Variants in ZBTB8OS observed in about 807,000 individuals in gnomAD.
ZBTB8OS encodes the protein tRNA-splicing ligase-activating factor archease.
A neutral mutation model predicts 29.3 loss-of-function variants in ZBTB8OS; 16 were observed. That is an observed-to-expected ratio of 0.55 (90% confidence interval 0.37 to 0.83). The LOEUF (loss-of-function observed/expected upper bound fraction) is 0.83. Among genes scored for constraint, ZBTB8OS ranks in the 40% least tolerant of loss-of-function variants. The pLI, the probability that ZBTB8OS is intolerant of heterozygous loss-of-function variation, is 0.00. For missense variants in ZBTB8OS, 160 were observed against 196.9 expected, an observed-to-expected ratio of 0.81 and a Z score of 1.12; for synonymous variants, 70 against 64.6, an observed-to-expected ratio of 1.08 and a Z score of -0.40.
intron 1 of ZBTB8OS, among the ~76,000 whole-genome samples, chr1:32,640,982 C>A (rs112516392): frequency 7.0e-6 from 1 of 143,354 alleles, no homozygotes; most frequent in African/African-American, 2.6e-5. Context: ...CTGGCCAACA[C>A]GGTGAAACCC....
intron 1 of ZBTB8OS, among the ~76,000 whole-genome samples, chr1:32,642,799 T>C (rs9660296): frequency 0.93 from 2,991 of 3,228 alleles, 1,492 homozygotes; most frequent in Middle Eastern, 1. Context: ...CAAATGGAGT[T>C]TCCTCTGTCG....
At chr1:32,627,776 C>A in intron 5 of ZBTB8OS, 2 of 523,336 alleles carry the variant, frequency 3.8e-6, no homozygotes, top group East Asian at 3.3e-5. Flanking sequence ...GTGGCTCATA[C>A]CTATAATCCT....
upstream of ZBTB8OS, chr1:32,650,625 C>T: frequency 6.2e-7 from 1 of 1,603,634 alleles, no homozygotes; most frequent in Non-Finnish European, 8.5e-7. Flanking sequence ...TTGGCGCACA[C>T]CCTTAAAGGA....
intron 6 of ZBTB8OS, among the ~76,000 whole-genome samples, chr1:32,625,400 G>A (rs1004327729): frequency 7.9e-5 from 12 of 151,370 alleles, no homozygotes; most frequent in Admixed American, 5.3e-4. Context: ...CAGGTATGGC[G>A]TCATGTGCCT....
chr1:32,641,457 G>C (rs1379102024), intron 1 of ZBTB8OS, among the ~76,000 whole-genome samples: 5 of 149,662 alleles, frequency 3.3e-5, no homozygotes, highest in Non-Finnish European at 5.9e-5. Flanking sequence ...ATTTTTAGTA[G>C]AGATGGGGTT....
intron 2 of ZBTB8OS, 140 bp downstream of exon 2, chr1:32,634,628 G>A: frequency 4.5e-6 from 5 of 1,105,394 alleles, no homozygotes; most frequent in Non-Finnish European, 6.8e-6. Context: ...CTGCAAAACT[G>A]AGTGCTTTCA....
intron 1 of ZBTB8OS, among the ~76,000 whole-genome samples, chr1:32,645,443 A>G (rs975956244): frequency 6.6e-6 from 1 of 152,316 alleles, no homozygotes; most frequent in South Asian, 2.1e-4. Flanking sequence ...TCAAGCTTGC[A>G]GTGAGCCATG....
intron 1 of ZBTB8OS, among the ~76,000 whole-genome samples, chr1:32,647,835 T>C (rs2148483225): frequency 6.6e-6 from 1 of 152,146 alleles, no homozygotes; most frequent in East Asian, 1.9e-4. Context: ...TATTACAACG[T>C]AATAATAATA....
At chr1:32,646,181 T>C (rs1271303420) in intron 1 of ZBTB8OS, among the ~76,000 whole-genome samples, 1 of 151,902 alleles carries the variant, frequency 6.6e-6, no homozygotes, top group East Asian at 1.9e-4. Context: ...TAGCTGGGTA[T>C]GATGGTGCAC....
At position 32,629,213 on chromosome 1, in the gene ZBTB8OS, C is replaced by T. The variant is rs531354391; in HGVS notation, c.381-1669G>A. On this transcript the variant is annotated intron_variant, in intron 5 of 6. Coordinates refer to ENST00000468695, the MANE Select transcript of ZBTB8OS (RefSeq NM_178547.5). Reference sequence around the variant, plus strand: ...ATAGCTTGAGCTCAGGGGTTTGAGACCAGCCTGGGCAATGTAGCGAGACCC... The same window carrying T: ...ATAGCTTGAGCTCAGGGGTTTGAGATCAGCCTGGGCAATGTAGCGAGACCC... 1.2e-3 allele frequency among the ~76,000 whole-genome samples: 181 copies of T among 151,880 alleles called. 1 individual carries two copies. The highest frequency in any genetic ancestry group is 3.9e-3 in the African/African-American group (162 of 41,402).
intron 1 of ZBTB8OS, among the ~76,000 whole-genome samples, chr1:32,643,686 G>T (rs1250068225): frequency 6.6e-6 from 1 of 151,868 alleles, no homozygotes; most frequent in Middle Eastern, 3.2e-3. Flanking sequence ...TAGTAGAGAG[G>T]GGGTTTCACT....
rs777682006 is a variant in ZBTB8OS at position 32,634,066 on chromosome 1, G to A, written c.129C>T (p.His43=). The A allele has an allele frequency of 1.3e-5, 20 of 1,564,864 alleles. No homozygotes were observed. Among genetic ancestry groups the A allele is most frequent in the South Asian group, 9.8e-5 (8 of 81,262 alleles). The change falls in exon 3 of 7, where the codon CAC becomes CAT. Residue 43 remains histidine (H), a synonymous_variant. Coordinates refer to ENST00000468695, the MANE Select transcript of ZBTB8OS (RefSeq NM_178547.5). ...YLDHTADVQL[H]AWGDTLEEAF... ...CTTCCTCCAGAGTATCTCCCCATGCGTGTAACCTAAAGAAGTATATTCATG... is the reference window on the plus strand; with the variant it reads ...CTTCCTCCAGAGTATCTCCCCATGCATGTAACCTAAAGAAGTATATTCATG...
At chr1:32,628,912 G>A (rs1277307748) in intron 5 of ZBTB8OS, among the ~76,000 whole-genome samples, 3 of 152,104 alleles carry the variant, frequency 2.0e-5, no homozygotes, top group Non-Finnish European at 4.4e-5. Flanking sequence ...CTCCCAGCCT[G>A]GGCAACAGAG....
At chr1:32,622,431 A>G (rs1644820684) in intron 6 of ZBTB8OS, among the ~76,000 whole-genome samples, 1 of 152,222 alleles carries the variant, frequency 6.6e-6, no homozygotes, top group East Asian at 1.9e-4. Context: ...AACAACGTGG[A>G]TGGAGCTGGA....
At chr1:32,639,802 G>C (rs1190076248) in intron 1 of ZBTB8OS, 2 of 151,938 alleles carry the variant, frequency 1.3e-5, no homozygotes, top group Non-Finnish European at 2.9e-5. Flanking sequence ...ATTTAGTGAA[G>C]ACTGGCACTG....
intron 5 of ZBTB8OS, among the ~76,000 whole-genome samples, chr1:32,629,756 T>C (rs1387173289): frequency 6.7e-6 from 1 of 148,600 alleles, no homozygotes; most frequent in African/African-American, 2.5e-5. Context: ...TTTCTTTTTT[T>C]TTTTTTTTTT....
intron 1 of ZBTB8OS, among the ~76,000 whole-genome samples, chr1:32,635,582 A>G (rs564443874): frequency 7.2e-5 from 11 of 152,184 alleles, no homozygotes; most frequent in Middle Eastern, 3.4e-3. Flanking sequence ...GGCCCACAAC[A>G]TGACTTTCAT....
upstream of ZBTB8OS, chr1:32,650,758 AGACTAAGGAAAAACG>A: frequency 1.5e-6 from 1 of 688,344 alleles, no homozygotes; most frequent in Non-Finnish European, 2.3e-6. Flanking sequence ...TTCTTTCCAA[AGACTAAGGAAAAACG>A]TTGAAGGGCA....
intron 1 of ZBTB8OS, among the ~76,000 whole-genome samples, chr1:32,645,841 T>G (rs567260428): frequency 6.6e-6 from 1 of 152,114 alleles, no homozygotes; most frequent in Non-Finnish European, 1.5e-5. Flanking sequence ...GTGAAAACAA[T>G]AACACCTCAG....
Sources: allele counts gnomAD v4.1 joint callset (sites outside exome capture counted in the v4.1 genomes callset), GRCh38; gene constraint gnomAD v4.1.1; transcripts MANE v1.5; gene names NCBI Gene and HGNC (gene_info 2026-07-23, HGNC 2026-07-21).